Variants in SRC observed in about 807,000 individuals in gnomAD.
SRC encodes SRC proto-oncogene, non-receptor tyrosine kinase, also known as proto-oncogene tyrosine-protein kinase Src.
A neutral mutation model predicts 62.9 loss-of-function variants in SRC; 13 were observed. The ratio of observed to expected loss-of-function variants is 0.21; its 90% CI spans 0.13 to 0.33. The LOEUF is 0.33. Among genes scored for constraint, SRC ranks in the 10% least tolerant of loss-of-function variants. The pLI is 1.00. For synonymous variants in SRC, 302 were observed against 317.5 expected, an observed-to-expected ratio of 0.95 and a Z score of 0.52; for missense variants, 457 against 737.3, an observed-to-expected ratio of 0.62 and a Z score of 4.40.
chr20:37,400,131 C>A lies in SRC; in HGVS notation c.876C>A (p.Thr292=), dbSNP rs141636064. The A allele has an allele frequency of 2.5e-6, 4 of 1,610,510 alleles. No homozygotes were observed. The highest frequency in any genetic ancestry group is 1.7e-5 in the Admixed American group (1 of 59,784). ...CCTCAACAGGGACCTGGAACGGTAC[C>A]ACCAGGGTGGCCATCAAAACCCTGA... ...GEVWMGTWNG[T]TRVAIKTLKP... is the part of the protein sequence containing the mutation. The change falls in exon 10 of 14, where the codon ACC becomes ACA. Residue 292 remains threonine, a synonymous_variant. Transcript: ENST00000373578.
chr20:37,371,093 A>G (rs1271894060), intron 2 of SRC, among the ~76,000 whole-genome samples: 1 of 151,530 alleles, frequency 6.6e-6, no homozygotes, highest in Non-Finnish European at 1.5e-5. Context: ...GGTTCAAGCA[A>G]TTCTCCTGCT....
chr20:37,403,679 A>C lies in SRC; in HGVS notation c.*300A>C. The C allele has an allele frequency of 6.6e-6, 3 of 453,012 alleles. No individual in the cohort carries two copies. The South Asian group carries it at 1.0e-4, about 15-fold the overall frequency. 28.1% of individuals were successfully genotyped at this position (453,012 alleles called of 1,614,324 possible). A position where few individuals can be genotyped will look rare whatever the true frequency, so the allele number is the denominator to read the frequency against. On this transcript the variant is annotated 3_prime_UTR_variant, in exon 14 of 14. Transcript: ENST00000373578. This position sits in a 1 kb window ranked among gnomAD's most constrained non-coding sequence, Gnocchi z 7.1. Reference sequence around the variant, plus strand: ...GGTCTCTGGAAGAGGAACCAGGAGAAGGGCTGGGGCCGGGGCTGAGGGTGC... The same window carrying C: ...GGTCTCTGGAAGAGGAACCAGGAGACGGGCTGGGGCCGGGGCTGAGGGTGC...
chr20:37,393,098 C>T (rs970402490), intron 5 of SRC, among the ~76,000 whole-genome samples: 8 of 152,148 alleles, frequency 5.3e-5, no homozygotes, highest in Non-Finnish European at 8.8e-5. Flanking sequence ...CCCCATCACA[C>T]CCCCCACTCC....
rs965185991 is a variant in SRC, at chr20:37,403,548, AG to A, written c.*172del. 2.5e-6 allele frequency: 2 copies of A among 798,756 alleles called. No homozygotes were observed. The highest frequency in any genetic ancestry group is 3.9e-6 in the Non-Finnish European group (2 of 517,980). The allele number at this position is 798,756 out of a possible 1,614,324, so 49.5% of individuals were successfully genotyped here. A position where few individuals can be genotyped will look rare whatever the true frequency, so the allele number is the denominator to read the frequency against. ...TGGCATGGAAGGGGCTTCTGGACCT[AG>A]GGTGGCCTGAGAGGGCGGTGGGTAT... On this transcript the variant is annotated 3_prime_UTR_variant, in exon 14 of 14. Transcript: ENST00000373578. This position sits in a 1 kb window ranked among gnomAD's most constrained non-coding sequence, Gnocchi z 7.1.
intron 1 of SRC, among the ~76,000 whole-genome samples, chr20:37,350,920 A>G (rs1020587264): frequency 2.0e-5 from 3 of 152,194 alleles, no homozygotes; most frequent in Non-Finnish European, 4.4e-5. Flanking sequence ...TTCTTGATCT[A>G]TTCTGACCTT....
rs541253508 is a variant in SRC, at chr20:37,403,992, C to T, written c.*613C>T. The T allele has an allele frequency of 1.6e-4, 39 of 236,776 alleles. No individual in the cohort carries two copies. Among genetic ancestry groups the T allele is most frequent in the African/African-American group, 7.7e-4 (35 of 45,458 alleles). The allele number at this position is 236,776 out of a possible 1,614,324, so 14.7% of individuals were successfully genotyped here. ...GAGTACCCCCTCAAACCCTGCCCTC[C>T]TTAGACCTGAGGGACCCTTCGAGAT... On this transcript the variant is annotated 3_prime_UTR_variant, in exon 14 of 14. Transcript: ENST00000373578. This position sits in a 1 kb window ranked among gnomAD's most constrained non-coding sequence, Gnocchi z 7.1.
chr20:37,402,622 C>T lies in SRC; in HGVS notation c.1270+34C>T, dbSNP rs1360689858. Reference sequence around the variant, plus strand: ...GGGCTGTGTGGTATGTCGCGCTTGGCCTGGGACAGGTCACGTCCCGCTCTG... The same window carrying T: ...GGGCTGTGTGGTATGTCGCGCTTGGTCTGGGACAGGTCACGTCCCGCTCTG... On this transcript the variant is annotated intron_variant, in intron 12 of 13. Transcript: ENST00000373578. This position sits in a 1 kb window ranked among gnomAD's most constrained non-coding sequence, Gnocchi z 6.2. The T allele has an allele frequency of 6.3e-7, 1 of 1,592,498 alleles. No homozygotes were observed. The highest frequency in any genetic ancestry group is 8.6e-7 in the Non-Finnish European group (1 of 1,166,992).
intron 5 of SRC, 200 bp from the exon 6 acceptor site, chr20:37,393,695 A>G (rs1385147789): frequency 1.8e-6 from 1 of 563,322 alleles, no homozygotes; most frequent in Non-Finnish European, 3.2e-6. Context: ...CTTTGGCAAA[A>G]AGGCGTCTGC....
intron 2 of SRC, among the ~76,000 whole-genome samples, chr20:37,373,363 CAT>C (rs976841512): frequency 6.7e-6 from 1 of 149,634 alleles, no homozygotes; most frequent in South Asian, 2.1e-4. Context: ...CATATATACA[CAT>C]ACACATATAT....
rs1402206525 is a variant in SRC, at chr20:37,397,423, G to A, written c.704-276G>A. Among the ~76,000 whole-genome samples the A allele has an allele frequency of 6.6e-6, 1 of 152,200 alleles. No individual in the cohort carries two copies. Among genetic ancestry groups the A allele is most frequent in the Non-Finnish European group, 1.5e-5 (1 of 68,028 alleles). On this transcript the variant is annotated intron_variant, in intron 8 of 13. Transcript: ENST00000373578. The surrounding 1 kb of genome is among the most constrained non-coding windows in gnomAD (Gnocchi z 4.1). ...CTGGACTCTGAGTTCCTGAGGGCAG[G>A]TTCCCTGGACATGTTCCCTCCCCGC... is the stretch of plus-strand genomic sequence containing the variant.
intron 2 of SRC, among the ~76,000 whole-genome samples, chr20:37,380,308 CCT>C (rs2070347383): frequency 1.3e-5 from 2 of 152,236 alleles, no homozygotes; most frequent in Admixed American, 1.3e-4. Context: ...AGTTTCAGCC[CCT>C]GATTCCCACC....
At position 37,404,065 on chromosome 20, in the gene SRC, G is replaced by A. The variant is rs947984294; in HGVS notation, c.*686G>A. 4 of 234,310 alleles carry A rather than the reference G, an allele frequency of 1.7e-5. No homozygotes were observed. Among genetic ancestry groups the A allele is most frequent in the African/African-American group, 6.6e-5 (3 of 45,340 alleles). The allele number at this position is 234,310 out of a possible 1,614,324, so 14.5% of individuals were successfully genotyped here. A position where few individuals can be genotyped will look rare whatever the true frequency, so the allele number is the denominator to read the frequency against. ...CACCCATGGGGAGACAGTTGAGAGC[G>A]GGGATGTGACATGCCCAAGGCCACG... On this transcript the variant is annotated 3_prime_UTR_variant, in exon 14 of 14. Transcript: ENST00000373578.
chr20:37,372,185 T>TG (rs2070176797), intron 2 of SRC, among the ~76,000 whole-genome samples: 1 of 114,576 alleles, frequency 8.7e-6, no homozygotes, highest in Non-Finnish European at 1.7e-5. Flanking sequence ...TGTGTGTGTG[T>TG]TTTTTAGAGA....
At position 37,402,985 on chromosome 20, in the gene SRC, A is replaced by C; in HGVS notation, c.1402+105A>C. On this transcript the variant is annotated intron_variant, in intron 13 of 13. Transcript: ENST00000373578. This position sits in a 1 kb window ranked among gnomAD's most constrained non-coding sequence, Gnocchi z 6.2. ...GGGCCTGTTTCCCCACCCGTAAAAC[A>C]AAGAAGTTGAGCGTCTGATGTTAGG... The C allele has an allele frequency of 2.7e-6, 4 of 1,464,306 alleles. No homozygotes were observed. The highest frequency in any genetic ancestry group is 2.7e-6 in the Non-Finnish European group (3 of 1,096,822). 90.7% of individuals were successfully genotyped at this position (1,464,306 alleles called of 1,614,324 possible).
In SRC at chr20:37,402,272, T is replaced by TG; in HGVS notation, c.1117-162dup. 1 of 803,966 alleles carries TG rather than the reference T, an allele frequency of 1.2e-6. No individual in the cohort carries two copies. The allele number at this position is 803,966 out of a possible 1,614,324, so 49.8% of individuals were successfully genotyped here. A position where few individuals can be genotyped will look rare whatever the true frequency, so the allele number is the denominator to read the frequency against. On this transcript the variant is annotated intron_variant, in intron 11 of 13. Transcript: ENST00000373578. The surrounding 1 kb of genome is among the most constrained non-coding windows in gnomAD (Gnocchi z 6.2). ...CCCTACTCCCGCAGAGCACTGCTCCTGCTTTCGATGCCAACAGCATTTACT... is the reference window on the plus strand; with the variant it reads ...CCCTACTCCCGCAGAGCACTGCTCCTGGCTTTCGATGCCAACAGCATTTACT...
chr20:37,361,882 G>A (rs1280927066), intron 1 of SRC, among the ~76,000 whole-genome samples: 1 of 122,930 alleles, frequency 8.1e-6, no homozygotes, highest in Admixed American at 7.9e-5. Flanking sequence ...TAGAGATGCC[G>A]GGGTCTCTGT....
At position 37,402,449 on chromosome 20, in the gene SRC, G is replaced by A; in HGVS notation, c.1131G>A (p.Met377Ile). Reference protein sequence around the residue: ...VDMAAQIASGMAYVERMNYVH... With the variant: ...VDMAAQIASGIAYVERMNYVH... Reference sequence around the variant, plus strand: ...TCCGCCTGCAGATCGCCTCAGGCATGGCGTACGTGGAGCGGATGAACTACG... The same window carrying A: ...TCCGCCTGCAGATCGCCTCAGGCATAGCGTACGTGGAGCGGATGAACTACG... Residue 377 changes from methionine to isoleucine, a missense_variant, in exon 12 of 14, where the codon ATG becomes ATA. Physicochemically the swap from Met to Ile is conservative, Grantham distance 10. This residue lies in a region of SRC where 168 missense variants were observed against 357.8 expected (regional missense o/e 0.47). Transcript: ENST00000373578. The surrounding 1 kb of genome is among the most constrained non-coding windows in gnomAD (Gnocchi z 6.2). 6.2e-7 allele frequency: 1 copy of A among 1,613,698 alleles called. No homozygotes were observed. Among genetic ancestry groups the A allele is most frequent in the Non-Finnish European group, 8.5e-7 (1 of 1,179,864 alleles).
chr20:37,356,902 GC>G (rs1424068263), intron 1 of SRC, among the ~76,000 whole-genome samples: 2 of 152,192 alleles, frequency 1.3e-5, no homozygotes, highest in African/African-American at 2.4e-5. Flanking sequence ...GCAGACCTTG[GC>G]CTTTGAGAGC....
intron 2 of SRC, among the ~76,000 whole-genome samples, chr20:37,368,538 T>TTG (rs1568625245): frequency 1.6e-5 from 2 of 125,036 alleles, no homozygotes; most frequent in East Asian, 2.1e-4. Flanking sequence ...TTTTTTTTTT[T>TTG]TTTTTGTTTT....
Sources: allele counts gnomAD v4.1 joint callset (sites outside exome capture counted in the v4.1 genomes callset), GRCh38; gene constraint gnomAD v4.1.1; regional missense constraint gnomAD v4.1.1; non-coding constraint Gnocchi (gnomAD v3.1); transcripts MANE v1.5; gene names NCBI Gene and HGNC (gene_info 2026-07-23, HGNC 2026-07-21).